CNTN5: variants seen among roughly 807,000 people sequenced by gnomAD.
CNTN5 encodes the protein contactin-5.
Under a neutral mutation model 129.1 loss-of-function variants are expected in CNTN5, and 77 were observed. The observed-to-expected ratio is 0.60, with a 90% CI of 0.50 to 0.72. The LOEUF (loss-of-function observed/expected upper bound fraction) is 0.72. Ranked by LOEUF, CNTN5 falls within the 30% of genes least tolerant of loss-of-function variation. The probability of loss-of-function intolerance (pLI) is 0.00; values close to 1 mark genes in which losing one functional copy is unlikely to be tolerated. For missense variants in CNTN5, 1,478 were observed against 1,328.8 expected (o/e 1.11, Z -1.75); for synonymous variants, 509 against 465.6 (o/e 1.09, Z -1.20).
chr11:100,009,073 A>T (rs1940358115), intron 9 of CNTN5, among the ~76,000 whole-genome samples: 1 of 152,106 alleles, frequency 6.6e-6, no homozygotes, highest in Non-Finnish European at 1.5e-5. Context: ...TAGGTTATCA[A>T]ATTTTACTAT....
At position 99,060,776 on chromosome 11, in the gene CNTN5, C is replaced by G. The variant is rs149882366; in HGVS notation, c.-210+39506C>G. On this transcript the variant is annotated intron_variant, in intron 1 of 24. Coordinates refer to ENST00000524871, the MANE Select transcript of CNTN5 (RefSeq NM_014361.4). ...TAGTCTTCTGTCCCCACATTAAGATCTATTCCCAAATAGTAGTATATTAAA... is the reference window on the plus strand; with the variant it reads ...TAGTCTTCTGTCCCCACATTAAGATGTATTCCCAAATAGTAGTATATTAAA... 1.9e-3 allele frequency among the ~76,000 whole-genome samples: 293 copies of G among 152,138 alleles called. 2 individuals carry two copies. Among genetic ancestry groups the G allele is most frequent in the African/African-American group, 7.0e-3 (289 of 41,538 alleles).
chr11:100,095,712 G>C (rs561617808), intron 13 of CNTN5, among the ~76,000 whole-genome samples: 45 of 152,124 alleles, frequency 3.0e-4, no homozygotes, highest in African/African-American at 1.0e-3. Flanking sequence ...CTCAAGTTTG[G>C]TCTTAGGCAA....
intron 3 of CNTN5, among the ~76,000 whole-genome samples, chr11:99,581,739 A>T (rs532629723): frequency 6.6e-6 from 1 of 152,162 alleles, no homozygotes; most frequent in South Asian, 2.1e-4. Flanking sequence ...AGCACATGAG[A>T]TGGGTTTCCT....
At chr11:99,970,424 G>A (rs891274923) in intron 8 of CNTN5, among the ~76,000 whole-genome samples, 2 of 152,076 alleles carry the variant, frequency 1.3e-5, no homozygotes, top group Non-Finnish European at 2.9e-5. Flanking sequence ...AAATACATTG[G>A]TCACAAACTT....
chr11:100,093,767 G>C (rs949462749), intron 13 of CNTN5, among the ~76,000 whole-genome samples: 4 of 152,056 alleles, frequency 2.6e-5, no homozygotes, highest in African/African-American at 9.7e-5. Context: ...CGTGGATTTT[G>C]TTAGGAATAC....
In CNTN5 at chr11:100,224,679, A is replaced by G; in HGVS notation, c.1885-13A>G. The G allele has an allele frequency of 6.2e-7, 1 of 1,606,918 alleles. No homozygotes were observed. The highest frequency in any genetic ancestry group is 8.5e-7 in the Non-Finnish European group (1 of 1,174,792). On this transcript the variant is annotated splice_polypyrimidine_tract_variant and intron_variant, in intron 15 of 24. Coordinates refer to ENST00000524871, the MANE Select transcript of CNTN5 (RefSeq NM_014361.4). ...TTGCAACATTTTAAACTGGCACTTC[A>G]TCCCTCTTTCAGCAAGCATCCTCTG...
intron 4 of CNTN5, among the ~76,000 whole-genome samples, chr11:99,820,733 A>G (rs2135561208): frequency 6.6e-6 from 1 of 152,360 alleles, no homozygotes; most frequent in East Asian, 1.9e-4. Flanking sequence ...TATTTTTCAC[A>G]AGGTCACACT....
chr11:100,055,475 G>T (rs1943179651), intron 9 of CNTN5, among the ~76,000 whole-genome samples: 1 of 151,038 alleles, frequency 6.6e-6, no homozygotes, highest in African/African-American at 2.4e-5. Flanking sequence ...ATGGTTTATT[G>T]GTGAAAAACT....
At chr11:99,930,252 C>T (rs1307214281) in intron 7 of CNTN5, among the ~76,000 whole-genome samples, 1 of 152,112 alleles carries the variant, frequency 6.6e-6, no homozygotes, top group African/African-American at 2.4e-5. Context: ...CTGCATATGC[C>T]TGAATATATT....
chr11:100,048,398 C>T (rs1942795607), intron 9 of CNTN5, among the ~76,000 whole-genome samples: 1 of 152,048 alleles, frequency 6.6e-6, no homozygotes, highest in Admixed American at 6.6e-5. Flanking sequence ...GACTTCTCAA[C>T]CTCTATAATT....
chr11:99,093,252 T>G lies in CNTN5; in HGVS notation c.-210+71982T>G, dbSNP rs534652102. ...AAGCATAGTTATTGTTTAATTTAGT[T>G]GTAATAGATATTAATTAAATACAGA... is the stretch of plus-strand genomic sequence containing the variant. On this transcript the variant is annotated intron_variant, in intron 1 of 24. Transcript: ENST00000524871. 2.8e-4 allele frequency among the ~76,000 whole-genome samples: 42 copies of G among 152,184 alleles called. No individual in the cohort carries two copies. In the East Asian group the frequency reaches 7.9e-3, roughly 29 times the overall value.
intron 15 of CNTN5, among the ~76,000 whole-genome samples, chr11:100,222,235 G>A (rs963173499): frequency 6.6e-6 from 1 of 152,148 alleles, no homozygotes; most frequent in Non-Finnish European, 1.5e-5. Flanking sequence ...GCCACAGGCT[G>A]TAGAGTTTTT....
intron 9 of CNTN5, among the ~76,000 whole-genome samples, chr11:100,031,837 A>G (rs770584): frequency 0.1 from 15,301 of 152,246 alleles, 887 homozygotes; most frequent in Middle Eastern, 0.22. Flanking sequence ...CCTCATGATC[A>G]AATGATCCTA....
At chr11:99,564,173 C>A (rs1948933096) in intron 3 of CNTN5, among the ~76,000 whole-genome samples, 1 of 152,158 alleles carries the variant, frequency 6.6e-6, no homozygotes, top group African/African-American at 2.4e-5. Flanking sequence ...CATTGAATCC[C>A]TGAGATCAAG....
In CNTN5 at chr11:99,981,094, A is replaced by ATATATATATATATATATATATATATATG. The variant is rs1364632953; in HGVS notation, c.878-20930_878-20929insTATATATATATATATATGTATATATATA. Among the ~76,000 whole-genome samples the ATATATATATATATATATATATATATATG allele has an allele frequency of 9.9e-4, 80 of 81,192 alleles. 2 individuals carry two copies. In the East Asian group the frequency reaches 0.014, roughly 14 times the overall value. The allele number at this position is 81,192 out of a possible 152,430, so 53.3% of individuals were successfully genotyped here. ...GCCAATAGGATATATATATATATAT[A>ATATATATATATATATATATATATATATG]TATATATATACACACACACACACAT... On this transcript the variant is annotated intron_variant, in intron 8 of 24. Transcript: ENST00000524871.
chr11:99,599,311 T>C (rs1193730455), intron 3 of CNTN5, among the ~76,000 whole-genome samples: 1 of 152,152 alleles, frequency 6.6e-6, no homozygotes, highest in African/African-American at 2.4e-5. Flanking sequence ...AGGTTGCTTA[T>C]TGACACATAG....
At chr11:99,288,408 T>C (rs932617346) in intron 1 of CNTN5, among the ~76,000 whole-genome samples, 2 of 151,930 alleles carry the variant, frequency 1.3e-5, no homozygotes, top group African/African-American at 4.8e-5. Context: ...TCTACTGATA[T>C]TAAAAGAATG....
chr11:99,884,585 T>A (rs1443244151), intron 6 of CNTN5, among the ~76,000 whole-genome samples: 1 of 152,208 alleles, frequency 6.6e-6, no homozygotes. Context: ...TCCACAGATA[T>A]TGTAGGTACG....
intron 2 of CNTN5, among the ~76,000 whole-genome samples, chr11:99,369,217 A>ATAT (rs148741904): frequency 7.4e-6 from 1 of 135,734 alleles, no homozygotes; most frequent in Non-Finnish European, 1.6e-5. Context: ...TATTATATAT[A>ATAT]ATATATATAT....
Sources: gnomAD v4.1 joint callset for allele counts (sites outside exome capture counted in the v4.1 genomes callset) on GRCh38, gnomAD v4.1.1 for gene constraint, MANE v1.5 for transcripts, NCBI Gene and HGNC (gene_info 2026-07-23, HGNC 2026-07-21) for gene names.